COBLL1: variants seen among roughly 807,000 people sequenced by gnomAD.
The protein encoded by COBLL1 is cordon-bleu protein-like 1.
A neutral mutation model predicts 94.8 loss-of-function variants in COBLL1; 50 were observed. The ratio of observed to expected loss-of-function variants is 0.53; its 90% CI spans 0.42 to 0.67. COBLL1 has a LOEUF of 0.67. Among genes scored for constraint, COBLL1 ranks in the 30% least tolerant of loss-of-function variants. The pLI is 0.00. For synonymous variants in COBLL1, 448 were observed against 473.8 expected, an observed-to-expected ratio of 0.95 and a Z score of 0.71; for missense variants, 1,362 against 1,348.7, an observed-to-expected ratio of 1.01 and a Z score of -0.15.
chr2:164,736,150 A>G (rs1686295373), intron 3 of COBLL1, among the ~76,000 whole-genome samples: 1 of 152,210 alleles, frequency 6.6e-6, no homozygotes, highest in South Asian at 2.1e-4. Context: ...TCCCTGGATT[A>G]GTTTCATATC....
chr2:164,671,571 C>T (rs911932555), intron 1 of COBLL1, among the ~76,000 whole-genome samples: 5 of 152,196 alleles, frequency 3.3e-5, no homozygotes, highest in Non-Finnish European at 7.3e-5. Flanking sequence ...CTAAGGCTCT[C>T]ATCATCTTTG....
chr2:164,790,287 G>A (rs1466256144), intron 2 of COBLL1, among the ~76,000 whole-genome samples: 2 of 152,046 alleles, frequency 1.3e-5, no homozygotes, highest in Non-Finnish European at 2.9e-5. Context: ...GCCATGGGAC[G>A]GCATCCTATC....
intron 2 of COBLL1, among the ~76,000 whole-genome samples, chr2:164,770,611 C>T (rs1402480092): frequency 6.6e-6 from 1 of 152,104 alleles, no homozygotes; most frequent in Non-Finnish European, 1.5e-5. Context: ...AGAAAGGTAT[C>T]TGATTTAATG....
At chr2:164,789,269 GA>G (rs1248835738) in intron 2 of COBLL1, among the ~76,000 whole-genome samples, 2 of 152,124 alleles carry the variant, frequency 1.3e-5, no homozygotes, top group Non-Finnish European at 2.9e-5. Context: ...CATGATGATA[GA>G]AGGTTAGAAG....
At chr2:164,803,808 G>A (rs930720746) in intron 2 of COBLL1, among the ~76,000 whole-genome samples, 2 of 152,008 alleles carry the variant, frequency 1.3e-5, no homozygotes, top group Non-Finnish European at 2.9e-5. Context: ...GGTACTTGAA[G>A]CTTGTCACAG....
chr2:164,678,688 T>C (rs1344621245), downstream of COBLL1, among the ~76,000 whole-genome samples: 1 of 152,180 alleles, frequency 6.6e-6, no homozygotes, highest in Non-Finnish European at 1.5e-5. Context: ...TTCATGTAAC[T>C]AATAATGAGC....
At chr2:164,816,591 T>C (rs1447824061) in intron 2 of COBLL1, among the ~76,000 whole-genome samples, 1 of 152,156 alleles carries the variant, frequency 6.6e-6, no homozygotes, top group Admixed American at 6.5e-5. Context: ...TTAAAGGATA[T>C]TATACTGTAA....
intron 7 of COBLL1, among the ~76,000 whole-genome samples, chr2:164,714,603 T>C (rs2105480148): frequency 6.6e-6 from 1 of 152,242 alleles, no homozygotes; most frequent in Non-Finnish European, 1.5e-5. Flanking sequence ...ACTCAGTTCA[T>C]CCAGAAAGGC....
chr2:164,827,424 A>T (rs796399565), intron 2 of COBLL1, among the ~76,000 whole-genome samples: 13 of 152,320 alleles, frequency 8.5e-5, no homozygotes, highest in Middle Eastern at 3.4e-3. Flanking sequence ...CACTCAAAAA[A>T]CACCGGGAAG....
rs1374986764 is a variant in COBLL1, at chr2:164,682,455, G to A, written c.*3491C>T. ...AATTGTATCAATTGGGACGCTTTGG[G>A]TTTTAAGCACCTATAAGTAACTAAG... On this transcript the variant is annotated 3_prime_UTR_variant, in exon 14 of 14. Transcript: ENST00000652658. 2 of 152,162 alleles carry A rather than the reference G, an allele frequency of 1.3e-5. No homozygotes were observed. Among genetic ancestry groups the A allele is most frequent in the Non-Finnish European group, 2.9e-5 (2 of 68,032 alleles). 9.4% of individuals were successfully genotyped at this position (152,162 alleles called of 1,614,324 possible). A position where few individuals can be genotyped will look rare whatever the true frequency, so the allele number is the denominator to read the frequency against.
intron 2 of COBLL1, among the ~76,000 whole-genome samples, chr2:164,796,675 G>A (rs1234910848): frequency 6.8e-6 from 1 of 146,702 alleles, no homozygotes; most frequent in Non-Finnish European, 1.5e-5. Context: ...ATTTAATGGT[G>A]GGTGATGACA....
chr2:164,824,240 G>A (rs1685321947), intron 2 of COBLL1, among the ~76,000 whole-genome samples: 1 of 152,048 alleles, frequency 6.6e-6, no homozygotes, highest in African/African-American at 2.4e-5. Context: ...AATTATCTGG[G>A]CATGGTGGTG....
At chr2:164,781,712 T>G (rs1199867493) in intron 2 of COBLL1, among the ~76,000 whole-genome samples, 1 of 152,188 alleles carries the variant, frequency 6.6e-6, no homozygotes, top group East Asian at 1.9e-4. Context: ...AAATTTAATT[T>G]GAAATTGTGC....
chr2:164,813,706 T>C (rs1468631006), intron 2 of COBLL1, among the ~76,000 whole-genome samples: 1 of 152,156 alleles, frequency 6.6e-6, no homozygotes, highest in Admixed American at 6.5e-5. Context: ...CAACTGAACT[T>C]ATTGGGCTGC....
Position 164,692,346 on chromosome 2 carries a change from C to A in COBLL1, c.3175G>T (p.Asp1059Tyr). ...CTCATAACAGTGAATGATGGGCCAT[C>A]AGTTGGAGTTGGTATTTGGGAATTC... is the stretch of plus-strand genomic sequence containing the variant. The part of the protein sequence containing the change: ...EQNSQIPTPT[D>Y]GPSFTVMRQS... The change falls in exon 13 of 14, where the codon GAT becomes TAT. Residue 1059 changes from aspartate (D) to tyrosine (Y), a missense_variant. By Grantham distance (160) the Asp-to-Tyr change is radical (BLOSUM62 -3). Transcript: ENST00000652658. 1 of 1,613,252 alleles carries A rather than the reference C, an allele frequency of 6.2e-7. No homozygotes were observed. Among genetic ancestry groups the A allele is most frequent in the Non-Finnish European group, 8.5e-7 (1 of 1,179,490 alleles).
At chr2:164,668,155 G>C (rs1348621610) in intron 1 of COBLL1, among the ~76,000 whole-genome samples, 1 of 151,940 alleles carries the variant, frequency 6.6e-6, no homozygotes, top group Non-Finnish European at 1.5e-5. Context: ...GTAGAGGTGG[G>C]GTTTCACCAT....
chr2:164,783,217 C>T (rs752227149), intron 2 of COBLL1, among the ~76,000 whole-genome samples: 30 of 151,918 alleles, frequency 2.0e-4, no homozygotes, highest in Non-Finnish European at 4.4e-4. Flanking sequence ...GCCTGGTCAA[C>T]ATAATGAGAC....
intron 12 of COBLL1, among the ~76,000 whole-genome samples, chr2:164,693,264 T>C (rs572742234): frequency 8.5e-5 from 13 of 152,248 alleles, no homozygotes; most frequent in Admixed American, 7.9e-4. Context: ...GTATCATACT[T>C]CTATTCCTGA....
In COBLL1 at chr2:164,722,492, A is replaced by G. The variant is rs771331695; in HGVS notation, c.692T>C (p.Ile231Thr). The G allele has an allele frequency of 7.4e-5, 112 of 1,520,162 alleles. No individual in the cohort carries two copies. The highest frequency in any genetic ancestry group is 9.1e-5 in the Non-Finnish European group (104 of 1,136,668). 94.2% of individuals were successfully genotyped at this position (1,520,162 alleles called of 1,614,324 possible). Residue 231 changes from isoleucine (I) to threonine (T), a missense_variant, in exon 6 of 14, where the codon ATT becomes ACT. By Grantham distance (89) the Ile-to-Thr change is moderately conservative (BLOSUM62 -1). Transcript: ENST00000652658. ...ESCQISQNLDIMKEKENKGFF... is the reference protein window; with the variant it reads ...ESCQISQNLDTMKEKENKGFF... ...CCCTTTATTTTCTTTCTCCTTCATAATATCTAGGTTTTGTGATATTTGGCA... is the reference window on the plus strand; with the variant it reads ...CCCTTTATTTTCTTTCTCCTTCATAGTATCTAGGTTTTGTGATATTTGGCA...
Sources: allele counts gnomAD v4.1 joint callset (sites outside exome capture counted in the v4.1 genomes callset), GRCh38; gene constraint gnomAD v4.1.1; transcripts MANE v1.5; gene names NCBI Gene and HGNC (gene_info 2026-07-23, HGNC 2026-07-21).